The following SH2D3C variants were observed in gnomAD, a reference collection of about 807,000 sequenced individuals.
SH2D3C encodes the protein SH2 domain-containing protein 3C.
A neutral mutation model predicts 75.2 loss-of-function variants in SH2D3C; 25 were observed. The ratio of observed to expected loss-of-function variants is 0.33; its 90% CI spans 0.24 to 0.46. The LOEUF is 0.46. SH2D3C is among the 20% of genes least tolerant of loss of function. The pLI is 1.00. For missense variants in SH2D3C, 933 were observed against 1,165.3 expected (o/e 0.80, Z 2.90); for synonymous variants, 450 against 473.7 (o/e 0.95, Z 0.65).
intron 1 of SH2D3C, among the ~76,000 whole-genome samples, chr9:127,775,532 C>T (rs1407742072): frequency 6.6e-6 from 1 of 152,212 alleles, no homozygotes; most frequent in African/African-American, 2.4e-5. Flanking sequence ...GAGGCTGAGG[C>T]AGGATAATAG....
intron 2 of SH2D3C, among the ~76,000 whole-genome samples, chr9:127,770,712 A>G (rs1430043105): frequency 6.6e-6 from 1 of 152,214 alleles, no homozygotes; most frequent in Non-Finnish European, 1.5e-5. Flanking sequence ...CTGGCTAAGC[A>G]TGATGCCAGA....
intron 3 of SH2D3C, among the ~76,000 whole-genome samples, chr9:127,757,915 C>A (rs1012020217): frequency 6.6e-6 from 1 of 152,060 alleles, no homozygotes; most frequent in African/African-American, 2.4e-5. Context: ...CCCACCTCGG[C>A]CTCCCAAAGT....
chr9:127,754,723 T>A lies in SH2D3C; in HGVS notation c.556-3423A>T. Reference sequence around the variant, plus strand: ...ACAATGGGGAGCCAGGGTGCCCAGGTCAGCCGCAAGGGCCAGCGTACCAGG... The same window carrying A: ...ACAATGGGGAGCCAGGGTGCCCAGGACAGCCGCAAGGGCCAGCGTACCAGG... On this transcript the variant is annotated intron_variant, in intron 3 of 11. Coordinates refer to ENST00000314830, the MANE Select transcript of SH2D3C (RefSeq NM_170600.3). This position sits in a 1 kb window ranked among gnomAD's most constrained non-coding sequence, Gnocchi z 4.4. The A allele has an allele frequency of 2.4e-6, 1 of 420,734 alleles. No homozygotes were observed. The highest frequency in any genetic ancestry group is 7.9e-5 in the East Asian group (1 of 12,702). 26.1% of individuals were successfully genotyped at this position (420,734 alleles called of 1,614,324 possible).
chr9:127,755,064 G>T, intron 3 of SH2D3C: 1 of 1,183,308 alleles, frequency 8.5e-7, no homozygotes, highest in Non-Finnish European at 1.0e-6. Context: ...GGCGGGGGCC[G>T]AGCCGCCCCC....
intron 7 of SH2D3C, 48 bp from the exon 8 acceptor site, chr9:127,743,012 C>G: frequency 6.9e-7 from 1 of 1,452,046 alleles, no homozygotes; most frequent in Non-Finnish European, 9.6e-7. Flanking sequence ...AGGGCTGGCC[C>G]CAGCCATCTG....
rs781485868 is a variant in SH2D3C at position 127,767,172 on chromosome 9, G to A, written c.516-5522C>T. On this transcript the variant is annotated intron_variant, in intron 2 of 11. Coordinates refer to ENST00000314830, the MANE Select transcript of SH2D3C (RefSeq NM_170600.3). ...GCAGTGTCCAGCAGGAGCTCAGGAC[G>A]GGCGACAGCCTTGTGAGGAGAAGGC... 7.2e-5 allele frequency: 110 copies of A among 1,534,654 alleles called. 1 individual carries two copies. The highest frequency in any genetic ancestry group is 6.1e-4 in the Middle Eastern group (3 of 4,880).
rs767705738 is a variant in SH2D3C, at chr9:127,761,616, C to T, written c.550G>A (p.Val184Met). Residue 184 changes from valine (V) to methionine (M), a missense_variant, in exon 3 of 12, where the codon GTG (valine) becomes ATG (methionine). Coordinates refer to ENST00000314830, the MANE Select transcript of SH2D3C (RefSeq NM_170600.3). ...AGEPEAGSDY[V>M]KFSKEKYILD... ...CCCTGGCCAGCCCCTCCTACCTTCA[C>T]ATAGTCGCTGCCAGCCTCTGGCTCT... 74 of 1,611,762 alleles carry T rather than the reference C, an allele frequency of 4.6e-5. No individual in the cohort carries two copies. The South Asian group carries it at 7.9e-4, about 17-fold the overall frequency.
At chr9:127,755,315 G>T in intron 3 of SH2D3C, 1 of 908,856 alleles carries the variant, frequency 1.1e-6, no homozygotes, top group Non-Finnish European at 1.4e-6. Flanking sequence ...GAGGCGGGGC[G>T]GGGAGACCCC....
intron 3 of SH2D3C, among the ~76,000 whole-genome samples, chr9:127,752,837 T>C (rs918763292): frequency 2.6e-5 from 4 of 152,078 alleles, no homozygotes; most frequent in African/African-American, 9.7e-5. Flanking sequence ...TTCCTGAATG[T>C]CCCGAGATGC....
At chr9:127,740,442 G>T in intron 9 of SH2D3C, 73 bp from the exon 10 acceptor site, 2 of 1,013,118 alleles carry the variant, frequency 2.0e-6, no homozygotes, top group Non-Finnish European at 3.1e-6. Context: ...CCTGCTGAGT[G>T]GACACCCAGA....
intron 2 of SH2D3C, among the ~76,000 whole-genome samples, chr9:127,762,912 TA>T (rs1845563584): frequency 6.6e-6 from 1 of 152,240 alleles, no homozygotes; most frequent in Non-Finnish European, 1.5e-5. Flanking sequence ...GTACCATGAT[TA>T]TGCCAGAAAA....
chr9:127,769,737 TA>T (rs1411241878), intron 2 of SH2D3C, among the ~76,000 whole-genome samples: 5 of 151,820 alleles, frequency 3.3e-5, no homozygotes, highest in Admixed American at 2.0e-4. Context: ...AAATGTGACC[TA>T]GTGGTTTAGA....
At position 127,774,491 on chromosome 9, in the gene SH2D3C, A is replaced by C. The variant is rs374673240; in HGVS notation, c.38-24T>G. 66 of 1,164,980 alleles carry C rather than the reference A, an allele frequency of 5.7e-5. No homozygotes were observed. Among genetic ancestry groups the C allele is most frequent in the Non-Finnish European group, 8.0e-5 (62 of 775,874 alleles). 72.2% of individuals were successfully genotyped at this position (1,164,980 alleles called of 1,614,324 possible). On this transcript the variant is annotated intron_variant, in intron 1 of 11. Transcript: ENST00000314830. This position sits in a 1 kb window ranked among gnomAD's most constrained non-coding sequence, Gnocchi z 4.3. ...CTCTAGCAGAGGGGAAGGGAAGGAA[A>C]AGAAGTTAATGACAATGTCAACATC...
Position 127,739,655 on chromosome 9 carries a change from C to G in SH2D3C, c.2407+27G>C, listed in dbSNP as rs372764901. The G allele has an allele frequency of 1.6e-5, 26 of 1,580,304 alleles. No individual in the cohort carries two copies. The East Asian group carries it at 5.7e-4, about 35-fold the overall frequency. On this transcript the variant is annotated intron_variant, in intron 11 of 11. Transcript: ENST00000314830. The surrounding 1 kb of genome is among the most constrained non-coding windows in gnomAD (Gnocchi z 4.3). ...GTGGAGGGAGGCCCAGGCCTGCAAG[C>G]CCCCCAAGATGCCACCCGCCACTCA... is the stretch of plus-strand genomic sequence containing the variant.
At chr9:127,760,606 A>T (rs1045982177) in intron 3 of SH2D3C, among the ~76,000 whole-genome samples, 1 of 151,880 alleles carries the variant, frequency 6.6e-6, no homozygotes, top group African/African-American at 2.4e-5. Context: ...ATATAAAAAT[A>T]AAAAAAAGAA....
At chr9:127,744,481 G>C (rs1009586882) in intron 7 of SH2D3C, 83 bp downstream of exon 7, 3 of 1,491,706 alleles carry the variant, frequency 2.0e-6, no homozygotes, top group Non-Finnish European at 9.0e-7. Context: ...GCTGTACTTG[G>C]GGAATCTGGG....
intron 9 of SH2D3C, among the ~76,000 whole-genome samples, chr9:127,741,388 G>A (rs1299303680): frequency 6.6e-6 from 1 of 151,666 alleles, no homozygotes; most frequent in East Asian, 1.9e-4. Flanking sequence ...TTACAGGTGC[G>A]CACCACCACG....
At position 127,744,529 on chromosome 9, in the gene SH2D3C, T is replaced by A. The variant is rs528884095; in HGVS notation, c.1800+35A>T. On this transcript the variant is annotated intron_variant, in intron 7 of 11. Transcript: ENST00000314830. The stretch of plus-strand genomic sequence containing the variant: ...ACTGCCCTGCCCCACAGAACAGAGA[T>A]GCTCCCTCCACCCCAGTGCACAGCC... 9 of 1,570,260 alleles carry A rather than the reference T, an allele frequency of 5.7e-6. No individual in the cohort carries two copies. The African/African-American group carries it at 9.4e-5, about 16-fold the overall frequency.
chr9:127,761,702 C>T, intron 2 of SH2D3C, 52 bp from the exon 3 acceptor site: 10 of 1,518,004 alleles, frequency 6.6e-6, no homozygotes, highest in Non-Finnish European at 8.2e-6. Flanking sequence ...GGCTCCCCAG[C>T]TGCCGGTCTC....
Sources: allele counts gnomAD v4.1 joint callset (sites outside exome capture counted in the v4.1 genomes callset), GRCh38; gene constraint gnomAD v4.1.1; non-coding constraint Gnocchi (gnomAD v3.1); transcripts MANE v1.5; gene names NCBI Gene and HGNC (gene_info 2026-07-23, HGNC 2026-07-21).